RPS6KA2: variants seen among roughly 807,000 people sequenced by gnomAD.
The protein encoded by RPS6KA2 is ribosomal protein S6 kinase alpha-2.
In RPS6KA2, 42 loss-of-function variants were observed where a neutral mutation model predicts 91.8. That is an observed-to-expected ratio of 0.46 (90% confidence interval 0.36 to 0.59). RPS6KA2 has a LOEUF of 0.59. Among genes scored for constraint, RPS6KA2 ranks in the 20% least tolerant of loss-of-function variants. The probability of loss-of-function intolerance (pLI) is 0.00; values close to 1 mark genes in which losing one functional copy is unlikely to be tolerated. For synonymous variants in RPS6KA2, 414 were observed against 393.6 expected (o/e 1.05, Z -0.61); for missense variants, 798 against 978.5 (o/e 0.82, Z 2.46).
At chr6:166,526,489 G>A (rs1783044490) in intron 3 of RPS6KA2, among the ~76,000 whole-genome samples, 1 of 151,842 alleles carries the variant, frequency 6.6e-6, no homozygotes, top group African/African-American at 2.4e-5. Flanking sequence ...GGGAATACAG[G>A]TGTGCGCCAC....
chr6:166,735,655 C>T (rs1255021933), intron 2 of RPS6KA2, among the ~76,000 whole-genome samples: 1 of 144,628 alleles, frequency 6.9e-6, no homozygotes, highest in Non-Finnish European at 1.5e-5. Flanking sequence ...CTAGATCCCT[C>T]GTGTGCACAG....
intron 1 of RPS6KA2, among the ~76,000 whole-genome samples, chr6:166,567,203 G>C (rs1226206591): frequency 6.6e-6 from 1 of 152,166 alleles, no homozygotes. Flanking sequence ...TCACATCCAT[G>C]GTGGCAAATC....
intron 2 of RPS6KA2, among the ~76,000 whole-genome samples, chr6:166,741,176 C>T (rs1319510758): frequency 6.6e-6 from 1 of 152,184 alleles, no homozygotes; most frequent in African/African-American, 2.4e-5. Context: ...ACACACAAAG[C>T]CATTCTATGC....
intron 12 of RPS6KA2, among the ~76,000 whole-genome samples, chr6:166,453,243 A>G (rs1779976924): frequency 6.6e-6 from 1 of 151,972 alleles, no homozygotes; most frequent in Non-Finnish European, 1.5e-5. Flanking sequence ...AAAGGCTTTA[A>G]GACCAGCATA....
intron 1 of RPS6KA2, among the ~76,000 whole-genome samples, chr6:166,611,587 T>C (rs1422032600): frequency 1.3e-5 from 2 of 152,212 alleles, no homozygotes; most frequent in Admixed American, 6.5e-5. Context: ...AAAATCCAAA[T>C]CAAACTGGCT....
At chr6:166,608,128 T>C (rs1786020126) in intron 1 of RPS6KA2, among the ~76,000 whole-genome samples, 1 of 152,132 alleles carries the variant, frequency 6.6e-6, no homozygotes, top group African/African-American at 2.4e-5. Context: ...TCTGAGTCCA[T>C]ACTCAGGACA....
intron 2 of RPS6KA2, among the ~76,000 whole-genome samples, chr6:166,782,379 C>T (rs1778793834): frequency 6.6e-6 from 1 of 152,154 alleles, no homozygotes; most frequent in East Asian, 1.9e-4. Flanking sequence ...GGTTCAGAAG[C>T]AATTGAGTCT....
intron 2 of RPS6KA2, among the ~76,000 whole-genome samples, chr6:166,773,985 A>T (rs1487220703): frequency 1.3e-5 from 2 of 152,258 alleles, no homozygotes; most frequent in African/African-American, 4.8e-5. Context: ...GAAATAAACT[A>T]TCAGAAATTT....
intron 10 of RPS6KA2, among the ~76,000 whole-genome samples, chr6:166,486,597 C>G (rs1781418490): frequency 6.6e-6 from 1 of 152,252 alleles, no homozygotes; most frequent in African/African-American, 2.4e-5. Context: ...TCATCCAATG[C>G]ACTGGACACA....
chr6:166,618,303 G>A (rs753531794), intron 1 of RPS6KA2, among the ~76,000 whole-genome samples: 2 of 152,214 alleles, frequency 1.3e-5, no homozygotes, highest in Admixed American at 6.5e-5. Context: ...CATACGGACA[G>A]TAACTTCTCT....
At chr6:166,590,457 C>T (rs1230790831) in intron 1 of RPS6KA2, among the ~76,000 whole-genome samples, 1 of 152,148 alleles carries the variant, frequency 6.6e-6, no homozygotes, top group African/African-American at 2.4e-5. Flanking sequence ...TGGAGCCTGG[C>T]GAGGAGCATG....
intron 2 of RPS6KA2, among the ~76,000 whole-genome samples, chr6:166,708,101 C>T (rs564943958): frequency 1.8e-4 from 28 of 151,850 alleles, no homozygotes; most frequent in African/African-American, 3.6e-4. Flanking sequence ...AAATATTCTC[C>T]GGTAGAATTA....
chr6:166,714,831 C>A (rs993158721), intron 2 of RPS6KA2, among the ~76,000 whole-genome samples: 6 of 152,212 alleles, frequency 3.9e-5, no homozygotes, highest in Admixed American at 6.5e-5. Context: ...TTTACCACAG[C>A]CCCAGGACAC....
chr6:166,792,439 G>A (rs866408784), intron 2 of RPS6KA2, among the ~76,000 whole-genome samples: 6 of 151,830 alleles, frequency 4.0e-5, no homozygotes, highest in Admixed American at 6.6e-5. Flanking sequence ...AGAGGAGCTC[G>A]TATCATTCCT....
chr6:166,779,829 G>A (rs1468343953), intron 2 of RPS6KA2, among the ~76,000 whole-genome samples: 1 of 152,148 alleles, frequency 6.6e-6, no homozygotes, highest in Non-Finnish European at 1.5e-5. Flanking sequence ...GCAAGGCTGG[G>A]GCTAGCGTTG....
At chr6:166,453,026 T>C (rs6456084) in intron 12 of RPS6KA2, among the ~76,000 whole-genome samples, 65,342 of 151,686 alleles carry the variant, frequency 0.43, 14,461 homozygotes, top group African/African-American at 0.52. Context: ...AGTGAAACCC[T>C]GTCTCTACTA....
intron 2 of RPS6KA2, among the ~76,000 whole-genome samples, chr6:166,817,436 A>G (rs1779796923): frequency 6.6e-6 from 1 of 152,132 alleles, no homozygotes; most frequent in Non-Finnish European, 1.5e-5. Context: ...ACCATAAAAC[A>G]GTAGAGCAGA....
chr6:166,439,470 T>A (rs1779450956), intron 14 of RPS6KA2, among the ~76,000 whole-genome samples: 1 of 152,210 alleles, frequency 6.6e-6, no homozygotes, highest in South Asian at 2.1e-4. Flanking sequence ...TAAATGAAGA[T>A]AAGGAGCCCC....
chr6:166,686,248 G>A (rs1431298595), intron 2 of RPS6KA2, among the ~76,000 whole-genome samples: 1 of 152,162 alleles, frequency 6.6e-6, no homozygotes, highest in African/African-American at 2.4e-5. Flanking sequence ...CACCAGGCAT[G>A]AGGATTTGTC....
Sources: gnomAD v4.1 joint callset for allele counts (sites outside exome capture counted in the v4.1 genomes callset) on GRCh38, gnomAD v4.1.1 for gene constraint, MANE v1.5 for transcripts, NCBI Gene and HGNC (gene_info 2026-07-23, HGNC 2026-07-21) for gene names.